Variants in PTGER3 observed in about 807,000 individuals in gnomAD.
PTGER3 encodes prostaglandin E receptor 3.
A neutral mutation model predicts 34.7 loss-of-function variants in PTGER3; 22 were observed. That is an observed-to-expected ratio of 0.63 (90% confidence interval 0.45 to 0.91). PTGER3 has a LOEUF of 0.91. Ranked by LOEUF, PTGER3 falls within the 40% of genes least tolerant of loss-of-function variation. The probability of loss-of-function intolerance (pLI) is 0.00; values close to 1 mark genes in which losing one functional copy is unlikely to be tolerated. For synonymous variants in PTGER3, 241 were observed against 230.1 expected (o/e 1.05, Z -0.43); for missense variants, 468 against 519.4 (o/e 0.90, Z 0.96).
At position 70,999,733 on chromosome 1, in the gene PTGER3, A is replaced by C. The variant is rs985076099; in HGVS notation, c.1077+12572T>G. On this transcript the variant is annotated intron_variant, in intron 2 of 3. Coordinates refer to ENST00000306666, the MANE Select transcript of PTGER3 (RefSeq NM_198719.2). ...GAGAGGACGGGTAAAAGGAAAAATAAAAAAAGAGACAAAAGCCAATAGGGC... is the reference window on the plus strand; with the variant it reads ...GAGAGGACGGGTAAAAGGAAAAATACAAAAAGAGACAAAAGCCAATAGGGC... 2.6e-5 allele frequency among the ~76,000 whole-genome samples: 4 copies of C among 152,330 alleles called. No individual in the cohort carries two copies. In the East Asian group the frequency reaches 7.7e-4, roughly 29 times the overall value.
At chr1:70,923,665 T>A (rs963319232) in intron 4 of PTGER3, among the ~76,000 whole-genome samples, 4 of 152,218 alleles carry the variant, frequency 2.6e-5, no homozygotes, top group East Asian at 3.8e-4. Context: ...ACATTACTGA[T>A]CCTTTGTTTT....
intron 2 of PTGER3, among the ~76,000 whole-genome samples, chr1:70,990,916 A>G (rs761965858): frequency 1.3e-5 from 2 of 152,194 alleles, no homozygotes; most frequent in Non-Finnish European, 2.9e-5. Context: ...ATTCCGTTTC[A>G]CAAATAGTGA....
chr1:70,928,260 T>C (rs1648322526), intron 4 of PTGER3, among the ~76,000 whole-genome samples: 1 of 150,572 alleles, frequency 6.6e-6, no homozygotes, highest in Non-Finnish European at 1.5e-5. Context: ...CTGCCTTGTA[T>C]AGAAATTCCA....
At chr1:70,871,886 CA>C (rs1646170561) in intron 4 of PTGER3, among the ~76,000 whole-genome samples, 1 of 151,876 alleles carries the variant, frequency 6.6e-6, no homozygotes, top group African/African-American at 2.4e-5. Flanking sequence ...TTTAGCTTAC[CA>C]AAAGTTAAAG....
intron 4 of PTGER3, among the ~76,000 whole-genome samples, chr1:70,883,270 A>T (rs753339317): frequency 6.6e-6 from 1 of 152,180 alleles, no homozygotes; most frequent in Admixed American, 6.5e-5. Flanking sequence ...TATTCAATTT[A>T]TTTAAACTCT....
intron 1 of PTGER3, among the ~76,000 whole-genome samples, chr1:71,020,697 AGT>A (rs112981971): frequency 0.24 from 34,150 of 144,432 alleles, 4,040 homozygotes; most frequent in African/African-American, 0.32. Flanking sequence ...ATGTTAGCAG[AGT>A]GTGTGTGTGT....
intron 4 of PTGER3, among the ~76,000 whole-genome samples, chr1:70,864,499 G>A (rs1645998265): frequency 6.6e-6 from 1 of 152,118 alleles, no homozygotes; most frequent in African/African-American, 2.4e-5. Flanking sequence ...CATGACTCAG[G>A]GATTTACTGG....
chr1:70,933,067 T>C (rs568432396), intron 4 of PTGER3, among the ~76,000 whole-genome samples: 1 of 152,172 alleles, frequency 6.6e-6, no homozygotes. Context: ...TATACCTGTC[T>C]CTTCTATAAC....
intron 4 of PTGER3, among the ~76,000 whole-genome samples, chr1:70,880,514 A>G (rs1206576512): frequency 6.6e-6 from 1 of 150,992 alleles, no homozygotes; most frequent in Non-Finnish European, 1.5e-5. Context: ...ACATGGTGAA[A>G]CCCCATCTCT....
intron 2 of PTGER3, chr1:71,006,933 A>G (rs1657019774): frequency 1.0e-6 from 1 of 985,392 alleles, no homozygotes. Context: ...TACACAGACT[A>G]GCCATGACTT....
chr1:70,990,399 A>C (rs1655348716), intron 2 of PTGER3, among the ~76,000 whole-genome samples: 2 of 148,066 alleles, frequency 1.4e-5, no homozygotes, highest in South Asian at 4.2e-4. Context: ...ATATATATAT[A>C]TAAAATACAT....
chr1:70,874,568 G>A (rs1321849347), intron 4 of PTGER3, among the ~76,000 whole-genome samples: 1 of 151,998 alleles, frequency 6.6e-6, no homozygotes, highest in Non-Finnish European at 1.5e-5. Flanking sequence ...TCTCTGTCTG[G>A]TTCTTGCCTC....
intron 4 of PTGER3, among the ~76,000 whole-genome samples, chr1:70,869,569 A>C (rs543624435): frequency 6.6e-6 from 1 of 152,218 alleles, no homozygotes; most frequent in East Asian, 1.9e-4. Flanking sequence ...TGTAAAGTCA[A>C]AATAATTTAT....
In PTGER3 at chr1:71,033,704, CT is replaced by C. The variant is rs573280662; in HGVS notation, c.897+12976del. Among the ~76,000 whole-genome samples, 1,116 of 148,312 alleles carry C rather than the reference CT, an allele frequency of 7.5e-3. 13 individuals are homozygous for C. Among genetic ancestry groups the C allele is most frequent in the Non-Finnish European group, 8.7e-3 (580 of 66,766 alleles). ...AAATTAAAGATGGAAAATGCTGCTG[CT>C]TTTTTTTTTGAGTCAATTTCAAGTT... On this transcript the variant is annotated intron_variant, in intron 1 of 3. Transcript: ENST00000306666.
chr1:70,892,941 C>T (rs573652325), intron 4 of PTGER3, among the ~76,000 whole-genome samples: 130 of 152,076 alleles, frequency 8.5e-4, no homozygotes, highest in Non-Finnish European at 1.7e-3. Flanking sequence ...ACAGCAGATC[C>T]TGTAATACAT....
At position 70,974,462 on chromosome 1, in the gene PTGER3, T is replaced by A. The variant is rs957448514; in HGVS notation, c.1078-74A>T. 5 of 743,574 alleles carry A rather than the reference T, an allele frequency of 6.7e-6. 1 individual carries two copies. Among genetic ancestry groups the A allele is most frequent in the South Asian group, 4.4e-5 (3 of 68,710 alleles). 46.1% of individuals were successfully genotyped at this position (743,574 alleles called of 1,614,324 possible). A position where few individuals can be genotyped will look rare whatever the true frequency, so the allele number is the denominator to read the frequency against. On this transcript the variant is annotated intron_variant, in intron 2 of 3. Transcript: ENST00000306666. ...AAGAAAAGCAAAACCAAAACCTGCA[T>A]ATCAAAGTCACATTGGCTATGATCA...
intron 4 of PTGER3, among the ~76,000 whole-genome samples, chr1:70,873,458 T>G (rs901982627): frequency 4.3e-4 from 66 of 152,210 alleles, no homozygotes; most frequent in African/African-American, 1.5e-3. Flanking sequence ...TTTCTGCAGG[T>G]TTTTTGGAGA....
intron 4 of PTGER3, among the ~76,000 whole-genome samples, chr1:70,910,353 T>C (rs17090676): frequency 0.011 from 1,741 of 152,312 alleles, 42 homozygotes; most frequent in African/African-American, 0.04. Context: ...GTCCACCAAT[T>C]ACACCCAGGT....
chr1:70,865,742 A>G (rs368436010), intron 4 of PTGER3: 36 of 1,366,536 alleles, frequency 2.6e-5, no homozygotes, highest in Non-Finnish European at 3.3e-5. Context: ...TGATGAAGAC[A>G]TGGCGGGAAA....
Sources: gnomAD v4.1 joint callset for allele counts (sites outside exome capture counted in the v4.1 genomes callset) on GRCh38, gnomAD v4.1.1 for gene constraint, MANE v1.5 for transcripts, NCBI Gene and HGNC (gene_info 2026-07-23, HGNC 2026-07-21) for gene names.